Variants in GADL1 observed in about 807,000 individuals in gnomAD.
The protein encoded by GADL1 is GAD like acidic amino acid decarboxylase 1, also known as acidic amino acid decarboxylase GADL1.
In GADL1, 71 loss-of-function variants were observed where a neutral mutation model predicts 69.5. The observed-to-expected ratio is 1.02, with a 90% CI of 0.84 to 1.25. GADL1 has a LOEUF of 1.25. Ranked by LOEUF, GADL1 falls within the 50% of genes most tolerant of loss-of-function variation. The probability of loss-of-function intolerance (pLI) is 0.00; values close to 1 mark genes in which losing one functional copy is unlikely to be tolerated. For missense variants in GADL1, 737 were observed against 631.8 expected (o/e 1.17, Z -1.79); for synonymous variants, 254 against 214.4 (o/e 1.18, Z -1.62).
At chr3:30,860,622 T>G (rs1698306453) in intron 2 of GADL1, among the ~76,000 whole-genome samples, 1 of 152,034 alleles carries the variant, frequency 6.6e-6, no homozygotes, top group Non-Finnish European at 1.5e-5. Flanking sequence ...AAATTCAGAA[T>G]AAATATCACC....
chr3:30,786,780 TTTTTGTTTTG>T (rs983970971), intron 12 of GADL1, among the ~76,000 whole-genome samples: 2 of 152,116 alleles, frequency 1.3e-5, no homozygotes, highest in African/African-American at 4.8e-5. Context: ...AGGAAAGAGT[TTTTTGTTTTG>T]TTTTGTTTTG....
chr3:30,788,342 C>T (rs1169343900), intron 12 of GADL1, among the ~76,000 whole-genome samples: 1 of 152,152 alleles, frequency 6.6e-6, no homozygotes, highest in African/African-American at 2.4e-5. Flanking sequence ...GTTACATTTA[C>T]AGTATACTGT....
At chr3:30,893,608 AAAT>A (rs1373288045) in intron 1 of GADL1, among the ~76,000 whole-genome samples, 1 of 152,198 alleles carries the variant, frequency 6.6e-6, no homozygotes, top group Non-Finnish European at 1.5e-5. Context: ...CCATATATAA[AAAT>A]AATAATGATA....
rs963368162 is a variant in GADL1 at position 30,834,243 on chromosome 3, G to A, written c.942C>T (p.His314=). 3 of 1,612,766 alleles carry A rather than the reference G, an allele frequency of 1.9e-6. No individual in the cohort carries two copies. Among genetic ancestry groups the A allele is most frequent in the Admixed American group, 3.3e-5 (2 of 59,888 alleles). ...TGTGGATGCCATGCAGAAGCTTGCG[G>A]TGCTTCCTCGACATCAAAGCTGAGC... ...WGGSALMSRK[H]RKLLHGIHRA... The change falls in exon 10 of 15, where the codon CAC becomes CAT. Residue 314 remains histidine, a synonymous_variant. Coordinates refer to ENST00000282538, the MANE Select transcript of GADL1 (RefSeq NM_207359.3).
chr3:30,728,962 T>G (rs1468948837), intron 14 of GADL1, among the ~76,000 whole-genome samples: 6 of 152,094 alleles, frequency 3.9e-5, no homozygotes, highest in Non-Finnish European at 7.4e-5. Flanking sequence ...GAAGCCTAAG[T>G]TTATTAATTT....
chr3:30,738,077 T>C (rs567965819), intron 14 of GADL1, among the ~76,000 whole-genome samples: 1 of 152,308 alleles, frequency 6.6e-6, no homozygotes, highest in African/African-American at 2.4e-5. Context: ...TTTTATACAC[T>C]CTATAAAGCA....
intron 14 of GADL1, among the ~76,000 whole-genome samples, chr3:30,765,269 C>G (rs1382886548): frequency 6.6e-6 from 1 of 151,370 alleles, no homozygotes; most frequent in Non-Finnish European, 1.5e-5. Context: ...TCCTGCACAT[C>G]AAAAGCCAGA....
At chr3:30,757,154 G>A (rs1165763270) in intron 14 of GADL1, among the ~76,000 whole-genome samples, 3 of 152,036 alleles carry the variant, frequency 2.0e-5, no homozygotes, top group South Asian at 2.1e-4. Context: ...CATGTGAACC[G>A]CTATACCTCT....
At chr3:30,838,821 C>T (rs565508498) in intron 9 of GADL1, among the ~76,000 whole-genome samples, 176 bp downstream of exon 9, 1 of 152,040 alleles carries the variant, frequency 6.6e-6, no homozygotes, top group Non-Finnish European at 1.5e-5. Context: ...TACACAAAGT[C>T]GTGGAATCTT....
At position 30,728,122 on chromosome 3, in the gene GADL1, G is replaced by T. The variant is rs1695396564; in HGVS notation, c.*120C>A. ...TAGCATTTTGGTTTTGCTGGGCCTG[G>T]ACTGGGAGTATTCCCTATTTCTCAT... On this transcript the variant is annotated 3_prime_UTR_variant, in exon 15 of 15. Coordinates refer to ENST00000282538, the MANE Select transcript of GADL1 (RefSeq NM_207359.3). The T allele has an allele frequency of 2.3e-6, 2 of 864,588 alleles. No homozygotes were observed. The highest frequency in any genetic ancestry group is 2.1e-5 in the Admixed American group (1 of 47,640). The allele number at this position is 864,588 out of a possible 1,614,324, so 53.6% of individuals were successfully genotyped here. A position where few individuals can be genotyped will look rare whatever the true frequency, so the allele number is the denominator to read the frequency against.
chr3:30,760,852 GAT>G (rs1260418436), intron 14 of GADL1, among the ~76,000 whole-genome samples: 2 of 152,242 alleles, frequency 1.3e-5, no homozygotes, highest in East Asian at 1.9e-4. Flanking sequence ...CAAATATACT[GAT>G]AAAGATGTCA....
At chr3:30,783,249 GAT>G (rs1491302722) in intron 13 of GADL1, among the ~76,000 whole-genome samples, 5 of 152,060 alleles carry the variant, frequency 3.3e-5, no homozygotes, top group Non-Finnish European at 7.4e-5. Context: ...TCTCCCAAGA[GAT>G]AAAAAATAAA....
At chr3:30,737,787 T>G (rs1276780664) in intron 14 of GADL1, among the ~76,000 whole-genome samples, 2 of 152,198 alleles carry the variant, frequency 1.3e-5, no homozygotes, top group African/African-American at 4.8e-5. Context: ...TCCTCCTGAG[T>G]ATATCTGAAA....
At chr3:30,796,722 C>T (rs758490076) in intron 12 of GADL1, among the ~76,000 whole-genome samples, 5 of 152,164 alleles carry the variant, frequency 3.3e-5, no homozygotes, top group Non-Finnish European at 5.9e-5. Flanking sequence ...ACTGTTGAAG[C>T]ACCTAGACCA....
chr3:30,799,357 G>A (rs1697114121), intron 12 of GADL1: 1 of 152,258 alleles, frequency 6.6e-6, no homozygotes, highest in Non-Finnish European at 1.5e-5. Flanking sequence ...AAGGTTTGGG[G>A]CTTGCACCCT....
chr3:30,750,335 C>T (rs976292676), intron 14 of GADL1, among the ~76,000 whole-genome samples: 2 of 151,976 alleles, frequency 1.3e-5, no homozygotes, highest in Non-Finnish European at 2.9e-5. Flanking sequence ...TTGGGCAATT[C>T]ATCCTCTGGT....
intron 11 of GADL1, among the ~76,000 whole-genome samples, chr3:30,815,816 G>T (rs982125548): frequency 6.6e-6 from 1 of 152,136 alleles, no homozygotes; most frequent in Non-Finnish European, 1.5e-5. Flanking sequence ...TGGGAAACAG[G>T]GTTGATCCAT....
intron 9 of GADL1, 49 bp from the exon 10 acceptor site, chr3:30,834,330 G>T (rs1559356061): frequency 6.7e-7 from 1 of 1,483,060 alleles, no homozygotes; most frequent in South Asian, 1.1e-5. Flanking sequence ...AATGTTATTT[G>T]TTTACCAGTG....
chr3:30,780,781 G>T (rs991994942), intron 13 of GADL1, among the ~76,000 whole-genome samples: 2 of 152,150 alleles, frequency 1.3e-5, no homozygotes, highest in African/African-American at 4.8e-5. Flanking sequence ...ACATTTGAAA[G>T]CTTATAAAGC....
Sources: gnomAD v4.1 joint callset for allele counts (sites outside exome capture counted in the v4.1 genomes callset) on GRCh38, gnomAD v4.1.1 for gene constraint, MANE v1.5 for transcripts, NCBI Gene and HGNC (gene_info 2026-07-23, HGNC 2026-07-21) for gene names.